Variants in KAT2B observed in about 807,000 individuals in gnomAD.
The protein encoded by KAT2B is histone acetyltransferase KAT2B.
Under a neutral mutation model 105.9 loss-of-function variants are expected in KAT2B, and 36 were observed. That is an observed-to-expected ratio of 0.34 (90% CI 0.26 to 0.45). The LOEUF is 0.45. Among genes scored for constraint, KAT2B ranks in the 20% least tolerant of loss-of-function variants. The pLI, the probability that KAT2B is intolerant of heterozygous loss-of-function variation, is 1.00. For missense variants in KAT2B, 820 were observed against 1,021.6 expected (o/e 0.80, Z 2.69); for synonymous variants, 397 against 377.9 (o/e 1.05, Z -0.59).
At chr3:20,107,656 C>CAAA (rs577426047) in intron 5 of KAT2B, among the ~76,000 whole-genome samples, 3 of 95,656 alleles carry the variant, frequency 3.1e-5, no homozygotes, top group Non-Finnish European at 4.4e-5. Context: ...TACTATGTCT[C>CAAA]AAAAAAAAAA....
At chr3:20,086,359 G>T (rs577133936) in intron 2 of KAT2B, among the ~76,000 whole-genome samples, 6 of 152,262 alleles carry the variant, frequency 3.9e-5, no homozygotes, top group African/African-American at 1.4e-4. Flanking sequence ...AGCACTTTGG[G>T]AATCCGAGAC....
chr3:20,140,208 A>G lies in KAT2B; in HGVS notation c.1861-13A>G. ...GTATGGTGTTCATATGAATGAATTT[A>G]CTTGCTTTTCAGGGTTTCTCCAAAG... On this transcript the variant is annotated splice_polypyrimidine_tract_variant and intron_variant, in intron 12 of 17. Coordinates refer to ENST00000263754, the MANE Select transcript of KAT2B (RefSeq NM_003884.5). 6.5e-7 allele frequency: 1 copy of G among 1,543,266 alleles called. No homozygotes were observed. The highest frequency in any genetic ancestry group is 9.0e-7 in the Non-Finnish European group (1 of 1,116,220).
intron 1 of KAT2B, among the ~76,000 whole-genome samples, chr3:20,057,854 T>C (rs1180499546): frequency 1.3e-5 from 2 of 152,094 alleles, no homozygotes; most frequent in African/African-American, 4.8e-5. Flanking sequence ...TTCCAGACCT[T>C]TCAGTCAGCG....
intron 12 of KAT2B, chr3:20,137,415 A>G (rs150061672): frequency 9.4e-4 from 160 of 169,636 alleles, no homozygotes; most frequent in African/African-American, 3.7e-3. Flanking sequence ...GCCTCCATTT[A>G]TGACAGCAGA....
At chr3:20,130,497 C>T (rs749545381) in intron 11 of KAT2B, among the ~76,000 whole-genome samples, 4 of 152,108 alleles carry the variant, frequency 2.6e-5, no homozygotes, top group Non-Finnish European at 5.9e-5. Flanking sequence ...AAAATATGCC[C>T]TTGGTTTGTA....
rs576300478 is a variant in KAT2B, at chr3:20,042,428, A to G, written c.303+1648A>G. On this transcript the variant is annotated intron_variant, in intron 1 of 17. Coordinates refer to ENST00000263754, the MANE Select transcript of KAT2B (RefSeq NM_003884.5). ...AGAAGGGCGAGCTATGTACAGAATTAAGAACAAGGTCATGGGTACAGGGCA... is the reference window on the plus strand; with the variant it reads ...AGAAGGGCGAGCTATGTACAGAATTGAGAACAAGGTCATGGGTACAGGGCA... Among the ~76,000 whole-genome samples, 14 of 152,292 alleles carry G rather than the reference A, an allele frequency of 9.2e-5. No individual in the cohort carries two copies. In the South Asian group the frequency reaches 2.7e-3, roughly 29 times the overall value.
chr3:20,111,245 C>T (rs926333696), intron 5 of KAT2B, among the ~76,000 whole-genome samples: 7 of 152,114 alleles, frequency 4.6e-5, no homozygotes, highest in African/African-American at 7.2e-5. Flanking sequence ...ATTGTTGTCC[C>T]CATTTTACAG....
chr3:20,040,735 G>T lies in KAT2B; in HGVS notation c.258G>T (p.Pro86=), dbSNP rs753468658. The change falls in exon 1 of 18, where the codon CCG becomes CCT. Residue 86 remains proline, a synonymous_variant. Coordinates refer to ENST00000263754, the MANE Select transcript of KAT2B (RefSeq NM_003884.5). The part of the protein sequence containing the change: ...AVKKAQLRSA[P]RAKKLEKLGV... ...AGAAAGCGCAACTACGCTCCGCTCC[G>T]CGGGCCAAGAAACTGGAGAAACTCG... 1.3e-6 allele frequency: 2 copies of T among 1,595,562 alleles called. No homozygotes were observed. Among genetic ancestry groups the T allele is most frequent in the Non-Finnish European group, 1.7e-6 (2 of 1,173,802 alleles).
intron 2 of KAT2B, among the ~76,000 whole-genome samples, chr3:20,083,275 G>C (rs1232110954): frequency 1.3e-5 from 2 of 149,650 alleles, no homozygotes; most frequent in Non-Finnish European, 2.9e-5. Context: ...TATGCTCCTA[G>C]ACTCATAAAT....
At chr3:20,100,055 C>G in intron 4 of KAT2B, 101 bp downstream of exon 4, 1 of 664,698 alleles carries the variant, frequency 1.5e-6, no homozygotes. Flanking sequence ...CCTCCATACC[C>G]AGGTTAGAGA....
intron 1 of KAT2B, among the ~76,000 whole-genome samples, chr3:20,042,371 C>T (rs1041520432): frequency 1.3e-5 from 2 of 152,104 alleles, no homozygotes; most frequent in Admixed American, 6.6e-5. Flanking sequence ...GGGCATTAGA[C>T]GAATGAGAAC....
At chr3:20,087,329 A>G (rs1698637739) in intron 2 of KAT2B, among the ~76,000 whole-genome samples, 1 of 152,198 alleles carries the variant, frequency 6.6e-6, no homozygotes, top group Non-Finnish European at 1.5e-5. Context: ...ATGTACAATT[A>G]TATGTTAATT....
chr3:20,071,020 A>AG (rs1170103537), intron 1 of KAT2B, among the ~76,000 whole-genome samples: 1 of 151,852 alleles, frequency 6.6e-6, no homozygotes, highest in East Asian at 1.9e-4. Context: ...AAAAAAAAAA[A>AG]AACCAAAAAG....
At chr3:20,091,984 A>G (rs1253048451) in intron 2 of KAT2B, among the ~76,000 whole-genome samples, 1 of 152,110 alleles carries the variant, frequency 6.6e-6, no homozygotes, top group Non-Finnish European at 1.5e-5. Context: ...TGTTTTATGG[A>G]CTATCATCTG....
chr3:20,066,780 A>T lies in KAT2B; in HGVS notation c.304-5553A>T, dbSNP rs538898468. On this transcript the variant is annotated intron_variant, in intron 1 of 17. Coordinates refer to ENST00000263754, the MANE Select transcript of KAT2B (RefSeq NM_003884.5). ...AAAAAATCAGAAAAGCCAAAAATTT[A>T]ATTTTATTAATTCTAATTTTTACTT... 5.3e-5 allele frequency among the ~76,000 whole-genome samples: 8 copies of T among 152,122 alleles called. 1 individual carries two copies. The highest frequency in any genetic ancestry group is 6.9e-3 in the Middle Eastern group (2 of 290).
At chr3:20,059,286 G>A (rs968694083) in intron 1 of KAT2B, among the ~76,000 whole-genome samples, 3 of 151,554 alleles carry the variant, frequency 2.0e-5, no homozygotes, top group Admixed American at 2.0e-4. Context: ...GGTGGCATGC[G>A]TCTAGTAGTC....
chr3:20,152,407 G>A lies in KAT2B; in HGVS notation c.2381G>A (p.Arg794Gln), dbSNP rs1429314008. The change falls in exon 18 of 18, where the codon CGA becomes CAA. Residue 794 changes from arginine (R) to glutamine (Q), a missense_variant. Coordinates refer to ENST00000263754, the MANE Select transcript of KAT2B (RefSeq NM_003884.5). ...AAATTATTCATGGCAGACTTACAGC[G>A]AGTCTTTACCAATTGCAAAGAGTAC... is the stretch of plus-strand genomic sequence containing the variant. ...SKKLFMADLQ[R>Q]VFTNCKEYNP... 8 of 1,613,008 alleles carry A rather than the reference G, an allele frequency of 5.0e-6. No homozygotes were observed. The highest frequency in any genetic ancestry group is 1.3e-5 in the African/African-American group (1 of 74,964).
Position 20,040,601 on chromosome 3 carries a change from T to G in KAT2B, c.124T>G (p.Cys42Gly). 7.8e-7 allele frequency: 1 copy of G among 1,288,792 alleles called. No individual in the cohort carries two copies. The highest frequency in any genetic ancestry group is 9.8e-7 in the Non-Finnish European group (1 of 1,020,504). 79.8% of individuals were successfully genotyped at this position (1,288,792 alleles called of 1,614,324 possible). A position where few individuals can be genotyped will look rare whatever the true frequency, so the allele number is the denominator to read the frequency against. The change falls in exon 1 of 18, where the codon TGC becomes GGC. Residue 42 changes from cysteine to glycine, a missense_variant. Transcript: ENST00000263754. ...LPPAPPQGSP[C>G]AAAAGGSGAC... is the part of the protein sequence containing the mutation. ...GCCCGCGCCCCCGCAGGGCTCCCCC[T>G]GCGCCGCTGCCGCCGGGGGCTCGGG...
At chr3:20,049,712 CA>C in intron 1 of KAT2B, among the ~76,000 whole-genome samples, 1 of 151,862 alleles carries the variant, frequency 6.6e-6, no homozygotes, top group South Asian at 2.1e-4. Flanking sequence ...ATAAAGTAAA[CA>C]AAATAAGCAT....
Sources: allele counts gnomAD v4.1 joint callset (sites outside exome capture counted in the v4.1 genomes callset), GRCh38; gene constraint gnomAD v4.1.1; transcripts MANE v1.5; gene names NCBI Gene and HGNC (gene_info 2026-07-23, HGNC 2026-07-21).